Variants in CSMD1 observed in about 807,000 individuals in gnomAD.
The protein encoded by CSMD1 is CUB and Sushi multiple domains 1.
Under a neutral mutation model 417.5 loss-of-function variants are expected in CSMD1, and 213 were observed. The ratio of observed to expected loss-of-function variants is 0.51; its 90% CI spans 0.46 to 0.57. CSMD1 has a LOEUF of 0.57. Ranked by LOEUF, CSMD1 falls within the 20% of genes least tolerant of loss-of-function variation. The pLI is 0.00. For missense variants in CSMD1, 6,923 were observed against 4,529.7 expected, an observed-to-expected ratio of 1.53 and a Z score of -15.17; for synonymous variants, 2,862 against 1,736.8, an observed-to-expected ratio of 1.65 and a Z score of -16.11.
At chr8:4,457,336 A>G (rs1799549207) in intron 2 of CSMD1, among the ~76,000 whole-genome samples, 1 of 152,076 alleles carries the variant, frequency 6.6e-6, no homozygotes, top group Admixed American at 6.6e-5. Flanking sequence ...TGCTTGGGAC[A>G]CCGGAGAGGG....
intron 1 of CSMD1, among the ~76,000 whole-genome samples, chr8:4,764,240 A>G (rs1356064579): frequency 6.6e-6 from 1 of 152,232 alleles, no homozygotes; most frequent in African/African-American, 2.4e-5. Flanking sequence ...GTCGTATTGT[A>G]CAGAGATTAG....
In CSMD1 at chr8:4,322,047, C is replaced by T. The variant is rs187812936; in HGVS notation, c.415+97906G>A. On this transcript the variant is annotated intron_variant, in intron 3 of 69. Transcript: ENST00000635120. ...ATTAATTTAGTTCATATTTTAAATG[C>T]CTAATTCACAGATACTTTTCATCAT... Among the ~76,000 whole-genome samples, 634 of 152,034 alleles carry T rather than the reference C, an allele frequency of 4.2e-3. 3 individuals carry two copies. The highest frequency in any genetic ancestry group is 0.014 in the African/African-American group (595 of 41,508).
intron 6 of CSMD1, among the ~76,000 whole-genome samples, chr8:3,735,594 C>T (rs996686842): frequency 2.6e-5 from 4 of 152,188 alleles, no homozygotes; most frequent in African/African-American, 7.2e-5. Context: ...TGTCTGACTT[C>T]ACTACTCATT....
rs372522595 is a variant in CSMD1 at position 3,586,138 on chromosome 8, C to A, written c.1220G>T (p.Arg407Leu). The A allele has an allele frequency of 4.3e-6, 7 of 1,611,356 alleles. No homozygotes were observed. The highest frequency in any genetic ancestry group is 5.9e-6 in the Non-Finnish European group (7 of 1,178,946). The change falls in exon 9 of 70, where the codon CGA (arginine) becomes CTA (leucine). Residue 407 changes from arginine to leucine, a missense_variant and splice_region_variant. Physicochemically the swap from Arg to Leu is moderately radical, Grantham distance 102 (BLOSUM62 -2). Coordinates refer to ENST00000635120, the MANE Select transcript of CSMD1 (RefSeq NM_033225.6). ...AAWSDHRPIC[R>L]ARTCGSNLRG... is the part of the protein sequence containing the mutation. ...TTTACCCACCGCAGGTGCCTTACCT[C>A]GGCAGATGGGCCTGTGGTCACTCCA... is the stretch of plus-strand genomic sequence containing the variant.
At chr8:4,459,601 GAC>G (rs1799687226) in intron 2 of CSMD1, among the ~76,000 whole-genome samples, 1 of 152,208 alleles carries the variant, frequency 6.6e-6, no homozygotes, top group Non-Finnish European at 1.5e-5. Context: ...GATAATAAGA[GAC>G]AGAGAAGAAG....
At chr8:3,370,458 C>G (rs66984267) in intron 18 of CSMD1, among the ~76,000 whole-genome samples, 12,822 of 152,254 alleles carry the variant, frequency 0.084, 583 homozygotes, top group Middle Eastern at 0.13. Context: ...ATCTCGAGAC[C>G]AGGCTGCCCA....
chr8:3,659,732 A>G (rs1798314764), intron 7 of CSMD1, among the ~76,000 whole-genome samples: 1 of 152,112 alleles, frequency 6.6e-6, no homozygotes, highest in Non-Finnish European at 1.5e-5. Context: ...CCATAATATT[A>G]ATTCCCCCAA....
chr8:4,311,666 T>C (rs6981695), intron 3 of CSMD1, among the ~76,000 whole-genome samples: 72,555 of 148,036 alleles, frequency 0.49, 18,384 homozygotes, highest in Non-Finnish European at 0.56. Flanking sequence ...GAGGCTGCAG[T>C]GAGCCGAGAT....
chr8:3,028,336 T>C (rs1304735100), intron 51 of CSMD1, among the ~76,000 whole-genome samples: 1 of 152,056 alleles, frequency 6.6e-6, no homozygotes, highest in Non-Finnish European at 1.5e-5. Context: ...AAGGGGGGCA[T>C]TTCCTAAGCT....
At chr8:3,845,552 G>A (rs1024018552) in intron 5 of CSMD1, among the ~76,000 whole-genome samples, 5 of 152,190 alleles carry the variant, frequency 3.3e-5, no homozygotes, top group African/African-American at 9.7e-5. Flanking sequence ...TGCTCTGGGT[G>A]TCAGTGAACG....
At chr8:3,054,972 G>C (rs759463542) in intron 49 of CSMD1, among the ~76,000 whole-genome samples, 1 of 152,124 alleles carries the variant, frequency 6.6e-6, no homozygotes, top group African/African-American at 2.4e-5. Context: ...CCAATATCTA[G>C]CTTCCTCATC....
At chr8:4,139,529 G>A (rs1242105172) in intron 3 of CSMD1, among the ~76,000 whole-genome samples, 1 of 149,884 alleles carries the variant, frequency 6.7e-6, no homozygotes, top group East Asian at 1.9e-4. Flanking sequence ...TCTCAGGGGA[G>A]TGGCACTCAT....
intron 1 of CSMD1, among the ~76,000 whole-genome samples, chr8:4,759,939 T>TACTA (rs1414240168): frequency 2.0e-5 from 3 of 152,210 alleles, no homozygotes; most frequent in Non-Finnish European, 2.9e-5. Context: ...AACATGGAAT[T>TACTA]ACTAGGTCAA....
intron 23 of CSMD1, among the ~76,000 whole-genome samples, chr8:3,310,119 G>C (rs894220328): frequency 5.3e-5 from 8 of 152,194 alleles, no homozygotes; most frequent in Non-Finnish European, 1.0e-4. Context: ...GTAGAAATTA[G>C]GGGGATGGTT....
intron 7 of CSMD1, among the ~76,000 whole-genome samples, chr8:3,674,690 C>T (rs1157672740): frequency 6.6e-6 from 1 of 152,042 alleles, no homozygotes; most frequent in South Asian, 2.1e-4. Context: ...CCAGCAGAGG[C>T]AGAGAATGAG....
At chr8:3,648,282 A>G (rs1234743106) in intron 7 of CSMD1, among the ~76,000 whole-genome samples, 3 of 152,252 alleles carry the variant, frequency 2.0e-5, no homozygotes, top group Non-Finnish European at 4.4e-5. Flanking sequence ...CTAGAGTAAT[A>G]TATTTCAAAT....
At chr8:4,797,369 G>C (rs942093044) in intron 1 of CSMD1, among the ~76,000 whole-genome samples, 1 of 152,202 alleles carries the variant, frequency 6.6e-6, no homozygotes, top group African/African-American at 2.4e-5. Context: ...ATCTGTGAAA[G>C]AGTGTTCCGC....
chr8:4,162,732 A>G (rs543775366), intron 3 of CSMD1, among the ~76,000 whole-genome samples: 115 of 152,162 alleles, frequency 7.6e-4, no homozygotes, highest in Admixed American at 1.2e-3. Flanking sequence ...CCAATCGATG[A>G]ACTTACATTG....
intron 1 of CSMD1, among the ~76,000 whole-genome samples, chr8:4,875,512 C>T (rs1248690442): frequency 6.6e-6 from 1 of 152,022 alleles, no homozygotes; most frequent in Non-Finnish European, 1.5e-5. Flanking sequence ...TGAGATGAAG[C>T]TTTGGCATTT....
Sources: gnomAD v4.1 joint callset for allele counts (sites outside exome capture counted in the v4.1 genomes callset) on GRCh38, gnomAD v4.1.1 for gene constraint, MANE v1.5 for transcripts, NCBI Gene and HGNC (gene_info 2026-07-23, HGNC 2026-07-21) for gene names.